The following PDE6A variants were observed in gnomAD, a reference collection of about 807,000 sequenced individuals.
PDE6A encodes the protein phosphodiesterase 6A.
A neutral mutation model predicts 106.3 loss-of-function variants in PDE6A; 84 were observed. The observed-to-expected ratio is 0.79, with a 90% CI of 0.66 to 0.95. The LOEUF is 0.95. PDE6A is among the 40% of genes least tolerant of loss of function. PDE6A has a pLI of 0.00. For synonymous variants in PDE6A, 394 were observed against 386.6 expected (o/e 1.02, Z -0.23); for missense variants, 1,052 against 1,084.9 (o/e 0.97, Z 0.43).
intron 1 of PDE6A, among the ~76,000 whole-genome samples, chr5:149,936,127 C>T (rs1484978891): frequency 6.9e-6 from 1 of 144,258 alleles, no homozygotes; most frequent in Non-Finnish European, 1.5e-5. Context: ...GCACTTTACC[C>T]TGGGTGACAG....
intron 17 of PDE6A, among the ~76,000 whole-genome samples, chr5:149,870,006 G>A (rs1760477640): frequency 6.6e-6 from 1 of 152,140 alleles, no homozygotes; most frequent in Admixed American, 6.5e-5. Context: ...CTTTAATTAT[G>A]GGCCTGGCAC....
At chr5:149,915,110 C>T in intron 5 of PDE6A, 103 bp from the exon 6 acceptor site, 1 of 677,948 alleles carries the variant, frequency 1.5e-6, no homozygotes, top group Admixed American at 2.4e-5. Context: ...TCTCAGCTCA[C>T]TGCAACCTCC....
At chr5:149,864,309 G>A (rs539967598) in intron 20 of PDE6A, among the ~76,000 whole-genome samples, 1 of 151,972 alleles carries the variant, frequency 6.6e-6, no homozygotes, top group Admixed American at 6.6e-5. Flanking sequence ...TGCAATCTCG[G>A]CTCACTGCAA....
chr5:149,886,704 A>G (rs1752320010), intron 13 of PDE6A, among the ~76,000 whole-genome samples: 1 of 152,192 alleles, frequency 6.6e-6, no homozygotes, highest in Admixed American at 6.5e-5. Context: ...GATCAGATGA[A>G]TTTTGAGAAA....
chr5:149,866,119 C>G, intron 20 of PDE6A, 51 bp downstream of exon 20: 1 of 1,319,576 alleles, frequency 7.6e-7, no homozygotes, highest in Non-Finnish European at 1.1e-6. Flanking sequence ...GTCTGGAAAT[C>G]CCAGGTTTAT....
In PDE6A at chr5:149,932,284, G is replaced by A. The variant is rs1421225619; in HGVS notation, c.718-1116C>T. The A allele has an allele frequency of 1.2e-5, 17 of 1,439,474 alleles. No homozygotes were observed. The Admixed American group carries it at 1.7e-4, about 14-fold the overall frequency. 89.2% of individuals were successfully genotyped at this position (1,439,474 alleles called of 1,614,324 possible). ...CGAACAGCAGTTTCACTCGTAGACC[G>A]CTCTCTTTTTAGTCGGCCAACTGCA... On this transcript the variant is annotated intron_variant, in intron 3 of 21. Coordinates refer to ENST00000255266, the MANE Select transcript of PDE6A (RefSeq NM_000440.3).
At chr5:149,891,041 G>A (rs1012092085) in intron 13 of PDE6A, among the ~76,000 whole-genome samples, 1 of 152,158 alleles carries the variant, frequency 6.6e-6, no homozygotes, top group East Asian at 1.9e-4. Flanking sequence ...GACTCATAAG[G>A]AGTCCCGATG....
At chr5:149,868,904 T>A (rs1273234711) in intron 17 of PDE6A, among the ~76,000 whole-genome samples, 8 of 152,204 alleles carry the variant, frequency 5.3e-5, no homozygotes, top group African/African-American at 1.9e-4. Flanking sequence ...AATAGATTTC[T>A]TTCTCTTCTA....
Position 149,859,682 on chromosome 5 carries a change from T to C in PDE6A, c.*1213A>G, listed in dbSNP as rs1045804208. On this transcript the variant is annotated 3_prime_UTR_variant, in exon 22 of 22. Coordinates refer to ENST00000255266, the MANE Select transcript of PDE6A (RefSeq NM_000440.3). ...TGGGGAAGGCTGCAGTAACACCTGA[T>C]GGGGTTGATACTAAGGGTCTGTCAA... 1.3e-5 allele frequency: 2 copies of C among 152,262 alleles called. No individual in the cohort carries two copies. Among genetic ancestry groups the C allele is most frequent in the Admixed American group, 6.5e-5 (1 of 15,276 alleles). 9.4% of individuals were successfully genotyped at this position (152,262 alleles called of 1,614,324 possible).
chr5:149,882,530 T>C (rs1229916853), intron 17 of PDE6A, among the ~76,000 whole-genome samples: 1 of 151,964 alleles, frequency 6.6e-6, no homozygotes, highest in Non-Finnish European at 1.5e-5. Flanking sequence ...TCTCACCCCA[T>C]TGTCAATTGA....
intron 1 of PDE6A, among the ~76,000 whole-genome samples, chr5:149,935,248 T>G (rs957749126): frequency 5.7e-5 from 8 of 139,548 alleles, no homozygotes; most frequent in Middle Eastern, 7.0e-3. Context: ...GTGTAGATTG[T>G]GTAGACTGTG....
At chr5:149,886,541 G>A (rs1043423625) in intron 13 of PDE6A, among the ~76,000 whole-genome samples, 167 bp from the exon 14 acceptor site, 4 of 152,156 alleles carry the variant, frequency 2.6e-5, no homozygotes, top group Non-Finnish European at 4.4e-5. Context: ...GGGCTGAGGG[G>A]TTTTTTGGAT....
intron 13 of PDE6A, among the ~76,000 whole-genome samples, chr5:149,892,064 G>C (rs1192235953): frequency 6.6e-6 from 1 of 152,136 alleles, no homozygotes; most frequent in Non-Finnish European, 1.5e-5. Context: ...TATAATTCCA[G>C]CAACTTGGGA....
At position 149,933,910 on chromosome 5, in the gene PDE6A, C is replaced by A. The variant is rs780162381; in HGVS notation, c.717+20G>T. On this transcript the variant is annotated intron_variant, in intron 3 of 21. Transcript: ENST00000255266. ...GGGAAAGGACGAGTCAAGTCCATTC[C>A]CTTGGCCCAAGCCCCTTACCTGGCC... The A allele has an allele frequency of 1.4e-5, 23 of 1,587,378 alleles. No homozygotes were observed. The highest frequency in any genetic ancestry group is 2.0e-5 in the Non-Finnish European group (23 of 1,156,662).
chr5:149,891,114 A>AG (rs1752528097), intron 13 of PDE6A, among the ~76,000 whole-genome samples: 1 of 152,202 alleles, frequency 6.6e-6, no homozygotes, highest in South Asian at 2.1e-4. Context: ...TCCATGACTC[A>AG]TCATGGAAGA....
At chr5:149,903,484 T>A (rs1390460794) in intron 8 of PDE6A, among the ~76,000 whole-genome samples, 164 bp downstream of exon 8, 1 of 152,122 alleles carries the variant, frequency 6.6e-6, no homozygotes, top group Non-Finnish European at 1.5e-5. Context: ...AATTACCCAG[T>A]TAACTCTGTC....
chr5:149,921,864 C>T (rs1031158971), intron 4 of PDE6A, among the ~76,000 whole-genome samples, 155 bp from the exon 5 acceptor site: 1 of 152,160 alleles, frequency 6.6e-6, no homozygotes, highest in African/African-American at 2.4e-5. Flanking sequence ...AGACTCACTA[C>T]AGTTAGAAAA....
intron 16 of PDE6A, among the ~76,000 whole-genome samples, chr5:149,884,227 TATATATGTGTAG>T (rs955970090): frequency 1.1e-4 from 16 of 140,962 alleles, no homozygotes; most frequent in Non-Finnish European, 2.2e-4. Context: ...CACACACACA[TATATATGTGTAG>T]ATATATGTGT....
chr5:149,903,577 A>C (rs545644111), intron 8 of PDE6A, 71 bp downstream of exon 8: 36 of 1,147,520 alleles, frequency 3.1e-5, no homozygotes, highest in Non-Finnish European at 4.2e-5. Flanking sequence ...GGTGGATTCT[A>C]ATGTATTCTA....
Sources: gnomAD v4.1 joint callset for allele counts (sites outside exome capture counted in the v4.1 genomes callset) on GRCh38, gnomAD v4.1.1 for gene constraint, MANE v1.5 for transcripts, NCBI Gene and HGNC (gene_info 2026-07-23, HGNC 2026-07-21) for gene names.